Variants in LRP5 observed in about 807,000 individuals in gnomAD.
LRP5 encodes the protein low-density lipoprotein receptor-related protein 5.
LRP5 carries 62 observed loss-of-function variants against 154.1 expected under a neutral mutation model. The observed-to-expected ratio is 0.40, with a 90% CI of 0.33 to 0.50. The LOEUF is 0.50. LRP5 is among the 20% of genes least tolerant of loss of function. The pLI, the probability that LRP5 is intolerant of heterozygous loss-of-function variation, is 0.55. For synonymous variants in LRP5, 966 were observed against 1,011.5 expected (o/e 0.96, Z 0.85); for missense variants, 1,915 against 2,336.7 (o/e 0.82, Z 3.72).
chr11:68,394,356 G>A (rs2098648013), intron 7 of LRP5, among the ~76,000 whole-genome samples: 3 of 152,192 alleles, frequency 2.0e-5, no homozygotes, highest in African/African-American at 7.2e-5. Flanking sequence ...ATGCAGTCAG[G>A]AGGAAGCGGA....
At chr11:68,384,961 G>A (rs1267778422) in intron 5 of LRP5, among the ~76,000 whole-genome samples, 1 of 152,188 alleles carries the variant, frequency 6.6e-6, no homozygotes, top group Non-Finnish European at 1.5e-5. Flanking sequence ...GAGTGTTGCT[G>A]TGGCCACGGA....
intron 1 of LRP5, among the ~76,000 whole-genome samples, chr11:68,342,768 G>A (rs577229504): frequency 1.3e-5 from 2 of 152,336 alleles, no homozygotes; most frequent in South Asian, 2.1e-4. Flanking sequence ...GAAAAGCACA[G>A]CAAATTAAAA....
Position 68,449,059 on chromosome 11 carries a change from G to A in LRP5, c.4837G>A (p.Asp1613Asn), listed in dbSNP as rs776196884. ...CCCGCCCCCTCCGTCCCCCTGCACGGACTCATCCTGACCTCGGCCGGGCCA... is the reference window on the plus strand; with the variant it reads ...CCCGCCCCCTCCGTCCCCCTGCACGAACTCATCCTGACCTCGGCCGGGCCA... ...LFPPPPSPCT[D>N]SS The change falls in exon 23 of 23, where the codon GAC becomes AAC. Residue 1613 changes from aspartate (D) to asparagine (N), a missense_variant. By Grantham distance (23) the Asp-to-Asn change is conservative. Transcript: ENST00000294304. 20 of 1,555,688 alleles carry A rather than the reference G, an allele frequency of 1.3e-5. No homozygotes were observed. The highest frequency in any genetic ancestry group is 1.7e-5 in the Non-Finnish European group (20 of 1,152,444).
chr11:68,438,212 G>T (rs1275934439), intron 19 of LRP5, among the ~76,000 whole-genome samples: 1 of 152,182 alleles, frequency 6.6e-6, no homozygotes, highest in South Asian at 2.1e-4. Flanking sequence ...GCTGTGGGGA[G>T]TCGGACAGCG....
chr11:68,345,001 T>C (rs2153127833), intron 1 of LRP5, among the ~76,000 whole-genome samples: 1 of 151,900 alleles, frequency 6.6e-6, no homozygotes, highest in Non-Finnish European at 1.5e-5. Flanking sequence ...CAGCTGGAAC[T>C]ACAGGCGCGT....
At chr11:68,371,193 C>T (rs2098633817) in intron 5 of LRP5, among the ~76,000 whole-genome samples, 1 of 152,204 alleles carries the variant, frequency 6.6e-6, no homozygotes, top group African/African-American at 2.4e-5. Context: ...CTAAACTCTT[C>T]TTAGAAGCAT....
intron 5 of LRP5, among the ~76,000 whole-genome samples, chr11:68,370,652 A>T (rs1447011155): frequency 6.6e-6 from 1 of 152,206 alleles, no homozygotes; most frequent in Admixed American, 6.5e-5. Context: ...GTCAGGGGTC[A>T]CCTTTCTCTA....
Position 68,429,623 on chromosome 11 carries a change from T to C in LRP5, c.3686T>C (p.Ile1229Thr), listed in dbSNP as rs1454847927. Residue 1229 changes from isoleucine (I) to threonine (T), a missense_variant, in exon 17 of 23, where the codon ATT (isoleucine) becomes ACT (threonine). By Grantham distance (89) the Ile-to-Thr change is moderately conservative. Coordinates refer to ENST00000294304, the MANE Select transcript of LRP5 (RefSeq NM_002335.4). Reference protein sequence around the residue: ...RDNGGCSHICIAKGDGTPRCS... With the variant: ...RDNGGCSHICTAKGDGTPRCS... ...AATGGTGGCTGCTCCCACATCTGTA[T>C]TGCCAAGGGTGATGGGACACCACGG... 1 of 1,614,164 alleles carries C rather than the reference T, an allele frequency of 6.2e-7. No individual in the cohort carries two copies. Among genetic ancestry groups the C allele is most frequent in the South Asian group, 1.1e-5 (1 of 91,088 alleles).
At chr11:68,379,447 C>T (rs374255475) in intron 5 of LRP5, among the ~76,000 whole-genome samples, 8 of 152,268 alleles carry the variant, frequency 5.3e-5, no homozygotes, top group African/African-American at 1.4e-4. Flanking sequence ...AGGAAGCCTG[C>T]GGTGCTTTAC....
intron 9 of LRP5, among the ~76,000 whole-genome samples, chr11:68,409,073 A>AAAAAAAATATATATATATATAT (rs2098657548): frequency 4.5e-5 from 2 of 44,178 alleles, no homozygotes; most frequent in African/African-American, 2.6e-4. Flanking sequence ...AAAAAAAAAA[A>AAAAAAAATATATATATATATAT]ATATATATAT....
chr11:68,427,439 G>A (rs911819031), intron 16 of LRP5, among the ~76,000 whole-genome samples: 3 of 152,172 alleles, frequency 2.0e-5, no homozygotes, highest in Admixed American at 6.5e-5. Context: ...CAGCACTTTG[G>A]GAGACCAAGG....
At chr11:68,374,291 T>C (rs2098636129) in intron 5 of LRP5, among the ~76,000 whole-genome samples, 1 of 152,176 alleles carries the variant, frequency 6.6e-6, no homozygotes, top group Non-Finnish European at 1.5e-5. Context: ...CGGGCGTTTG[T>C]TCCCAGAGTC....
At chr11:68,372,337 T>G (rs1300882769) in intron 5 of LRP5, among the ~76,000 whole-genome samples, 1 of 52,054 alleles carries the variant, frequency 1.9e-5, no homozygotes, top group African/African-American at 8.0e-5. Flanking sequence ...GACCCGGGAC[T>G]GTGGTGGTGG....
chr11:68,441,410 G>C (rs776862874), intron 21 of LRP5, among the ~76,000 whole-genome samples: 3 of 152,218 alleles, frequency 2.0e-5, no homozygotes, highest in Non-Finnish European at 2.9e-5. Flanking sequence ...ACCTGACTGT[G>C]GTGGGCCCTG....
intron 1 of LRP5, among the ~76,000 whole-genome samples, chr11:68,340,588 T>C (rs924371246): frequency 6.6e-6 from 1 of 151,788 alleles, no homozygotes; most frequent in African/African-American, 2.4e-5. Context: ...GTCAGAGGGG[T>C]TGAGTGATTG....
chr11:68,421,026 AC>A (rs1355953803), intron 13 of LRP5, among the ~76,000 whole-genome samples: 1 of 152,124 alleles, frequency 6.6e-6, no homozygotes, highest in Non-Finnish European at 1.5e-5. Context: ...GGAGATCAAG[AC>A]CATCCTGGCC....
Position 68,425,961 on chromosome 11 carries a change from C to A in LRP5, c.3428-17C>A. 6.2e-7 allele frequency: 1 copy of A among 1,605,812 alleles called. No homozygotes were observed. Among genetic ancestry groups the A allele is most frequent in the East Asian group, 2.2e-5 (1 of 44,848 alleles). On this transcript the variant is annotated splice_polypyrimidine_tract_variant and intron_variant, in intron 15 of 22. Coordinates refer to ENST00000294304, the MANE Select transcript of LRP5 (RefSeq NM_002335.4). Reference sequence around the variant, plus strand: ...GGAGGTCAGCACTGCTCAGGGGGGCCCACGGGCTGCTTGCAGGGGCCAACC... The same window carrying A: ...GGAGGTCAGCACTGCTCAGGGGGGCACACGGGCTGCTTGCAGGGGCCAACC...
At chr11:68,313,547 T>C (rs1251200750) in intron 1 of LRP5, among the ~76,000 whole-genome samples, 10 of 152,270 alleles carry the variant, frequency 6.6e-5, no homozygotes, top group African/African-American at 2.2e-4. Flanking sequence ...CTCCAACTTT[T>C]GGTGTTTCCC....
chr11:68,376,802 G>C (rs182410260), intron 5 of LRP5, among the ~76,000 whole-genome samples: 1 of 152,220 alleles, frequency 6.6e-6, no homozygotes, highest in African/African-American at 2.4e-5. Context: ...CTGCCTAAAG[G>C]GGGGAGTGTG....
Sources: allele counts gnomAD v4.1 joint callset (sites outside exome capture counted in the v4.1 genomes callset), GRCh38; gene constraint gnomAD v4.1.1; transcripts MANE v1.5; gene names NCBI Gene and HGNC (gene_info 2026-07-23, HGNC 2026-07-21).